LHFPL6: variants seen among roughly 807,000 people sequenced by gnomAD.
LHFPL6 encodes the protein LHFPL tetraspan subfamily member 6 protein.
A neutral mutation model predicts 20.6 loss-of-function variants in LHFPL6; 9 were observed. That is an observed-to-expected ratio of 0.44 (90% CI 0.26 to 0.76). LHFPL6 has a LOEUF of 0.76. Ranked by LOEUF, LHFPL6 falls within the 30% of genes least tolerant of loss-of-function variation. The pLI is 0.20. For missense variants in LHFPL6, 218 were observed against 253.5 expected (o/e 0.86, Z 0.95); for synonymous variants, 105 against 98.7 (o/e 1.06, Z -0.38).
At chr13:39,487,829 T>C (rs2138450795) in intron 2 of LHFPL6, among the ~76,000 whole-genome samples, 1 of 152,304 alleles carries the variant, frequency 6.6e-6, no homozygotes, top group South Asian at 2.1e-4. Context: ...GTGGAGCACC[T>C]GAGGTCCGGA....
At chr13:39,524,119 T>C (rs552879724) in intron 2 of LHFPL6, among the ~76,000 whole-genome samples, 3 of 152,034 alleles carry the variant, frequency 2.0e-5, no homozygotes, top group South Asian at 4.2e-4. Flanking sequence ...AATAGAAGCC[T>C]AGATAAAGGG....
intron 2 of LHFPL6, among the ~76,000 whole-genome samples, chr13:39,400,218 C>T (rs1246821111): frequency 6.6e-6 from 1 of 152,204 alleles, no homozygotes. Context: ...ATGTGCACCT[C>T]AGCATACCTT....
At chr13:39,527,686 T>A (rs1593350177) in intron 2 of LHFPL6, among the ~76,000 whole-genome samples, 1 of 152,144 alleles carries the variant, frequency 6.6e-6, no homozygotes, top group African/African-American at 2.4e-5. Flanking sequence ...TCCTTCTGGT[T>A]ATATACTCAT....
intron 2 of LHFPL6, among the ~76,000 whole-genome samples, chr13:39,477,631 T>A (rs1402045659): frequency 2.0e-5 from 3 of 152,188 alleles, no homozygotes; most frequent in African/African-American, 7.2e-5. Flanking sequence ...CGATAAAACA[T>A]AATGCCTTTT....
intron 2 of LHFPL6, among the ~76,000 whole-genome samples, chr13:39,504,120 C>T (rs1157616653): frequency 2.0e-5 from 3 of 152,052 alleles, no homozygotes; most frequent in Admixed American, 6.5e-5. Context: ...AGTGAGTCAC[C>T]GGAAGGATCA....
chr13:39,562,361 C>T lies in LHFPL6; in HGVS notation c.385+38471G>A, dbSNP rs79626092. Among the ~76,000 whole-genome samples the T allele has an allele frequency of 1.1e-4, 12 of 112,476 alleles. No homozygotes were observed. In the South Asian group the frequency reaches 2.2e-3, roughly 21 times the overall value. The allele number at this position is 112,476 out of a possible 152,430, so 73.8% of individuals were successfully genotyped here. The stretch of plus-strand genomic sequence containing the variant: ...GTGTGTATATATATACATATATATA[C>T]ATATACATATATACATATATACATA... On this transcript the variant is annotated intron_variant, in intron 2 of 3. Coordinates refer to ENST00000379589, the MANE Select transcript of LHFPL6 (RefSeq NM_005780.3).
chr13:39,600,780 T>G, intron 2 of LHFPL6, 52 bp downstream of exon 2: 1 of 1,429,904 alleles, frequency 7.0e-7, no homozygotes, highest in Non-Finnish European at 9.2e-7. Flanking sequence ...ACATAACTTT[T>G]AATACTGCTT....
intron 3 of LHFPL6, among the ~76,000 whole-genome samples, chr13:39,372,095 GC>G (rs1870179688): frequency 6.6e-6 from 1 of 152,152 alleles, no homozygotes; most frequent in South Asian, 2.1e-4. Context: ...CAAGTCTGTA[GC>G]TGACCTTAGC....
intron 2 of LHFPL6, among the ~76,000 whole-genome samples, chr13:39,460,546 G>A (rs1872665883): frequency 6.6e-6 from 1 of 152,192 alleles, no homozygotes; most frequent in African/African-American, 2.4e-5. Flanking sequence ...GAAATAGTGG[G>A]TTCTTTCAAG....
chr13:39,553,695 G>C (rs1258907104), intron 2 of LHFPL6, among the ~76,000 whole-genome samples: 1 of 152,222 alleles, frequency 6.6e-6, no homozygotes, highest in East Asian at 1.9e-4. Flanking sequence ...CTGGGTGACA[G>C]AGCAAGACCT....
At chr13:39,421,989 A>G (rs879823413) in intron 2 of LHFPL6, among the ~76,000 whole-genome samples, 2 of 152,172 alleles carry the variant, frequency 1.3e-5, no homozygotes, top group Admixed American at 1.3e-4. Context: ...ATCATAAACA[A>G]TTGGTTTGGG....
At chr13:39,583,610 C>T (rs1268609545) in intron 2 of LHFPL6, among the ~76,000 whole-genome samples, 1 of 152,192 alleles carries the variant, frequency 6.6e-6, no homozygotes, top group Non-Finnish European at 1.5e-5. Context: ...GTTACCTCTA[C>T]CTCACAAGGA....
chr13:39,516,387 C>A (rs1869917508), intron 2 of LHFPL6, among the ~76,000 whole-genome samples: 1 of 152,252 alleles, frequency 6.6e-6, no homozygotes, highest in Non-Finnish European at 1.5e-5. Context: ...GCCGAGCAGC[C>A]CCTGGCTTGA....
At chr13:39,375,926 C>T (rs180719583) in intron 3 of LHFPL6, among the ~76,000 whole-genome samples, 156 of 151,528 alleles carry the variant, frequency 1.0e-3, no homozygotes, top group Non-Finnish European at 1.9e-3. Flanking sequence ...AATTTAGAAA[C>T]GCATGATCAG....
At chr13:39,489,174 A>T (rs1868829098) in intron 2 of LHFPL6, among the ~76,000 whole-genome samples, 1 of 152,218 alleles carries the variant, frequency 6.6e-6, no homozygotes, top group Admixed American at 6.5e-5. Context: ...CCACATCAAA[A>T]CTGGTGTGCA....
intron 2 of LHFPL6, among the ~76,000 whole-genome samples, chr13:39,563,496 G>C (rs1871612975): frequency 6.6e-6 from 1 of 152,176 alleles, no homozygotes; most frequent in African/African-American, 2.4e-5. Context: ...ATAGGTGTTA[G>C]ATAATGAGGC....
chr13:39,378,555 A>G, intron 2 of LHFPL6, 29 bp from the exon 3 acceptor site: 1 of 1,533,770 alleles, frequency 6.5e-7, no homozygotes, highest in Non-Finnish European at 9.0e-7. Flanking sequence ...AGAGGGCTTT[A>G]CCAGTGCTTC....
At chr13:39,449,190 T>C (rs1872374608) in intron 2 of LHFPL6, among the ~76,000 whole-genome samples, 1 of 152,244 alleles carries the variant, frequency 6.6e-6, no homozygotes. Context: ...CTGTTCTGAA[T>C]GACCAGTGAT....
chr13:39,364,697 C>T (rs1379435530), intron 3 of LHFPL6, among the ~76,000 whole-genome samples: 1 of 151,966 alleles, frequency 6.6e-6, no homozygotes, highest in African/African-American at 2.4e-5. Context: ...GATACACGTG[C>T]AGAACATGCG....
Sources: gnomAD v4.1 joint callset for allele counts (sites outside exome capture counted in the v4.1 genomes callset) on GRCh38, gnomAD v4.1.1 for gene constraint, MANE v1.5 for transcripts, NCBI Gene and HGNC (gene_info 2026-07-23, HGNC 2026-07-21) for gene names.